Variants in NSF observed in about 807,000 individuals in gnomAD.
The protein encoded by NSF is vesicle-fusing ATPase.
NSF carries 14 observed loss-of-function variants against 50.3 expected under a neutral mutation model. The observed-to-expected ratio is 0.28, with a 90% CI of 0.18 to 0.44. The LOEUF is 0.44. Among genes scored for constraint, NSF ranks in the 20% least tolerant of loss-of-function variants. NSF has a pLI of 1.00. For missense variants in NSF, 218 were observed against 504.3 expected (o/e 0.43, Z 5.44); for synonymous variants, 109 against 175.7 (o/e 0.62, Z 3.00).
chr17:46,750,484 A>G (rs2059171563), intron 18 of NSF, among the ~76,000 whole-genome samples: 1 of 152,204 alleles, frequency 6.6e-6, no homozygotes, highest in Admixed American at 6.5e-5. Flanking sequence ...TTTCCTTTGA[A>G]TGTCATGTTG....
chr17:46,727,183 A>G (rs538330865), intron 16 of NSF, among the ~76,000 whole-genome samples: 1 of 152,334 alleles, frequency 6.6e-6, no homozygotes, highest in African/African-American at 2.4e-5. Context: ...GCAGTATAGT[A>G]ATTTTTAAAA....
Position 46,757,248 on chromosome 17 carries a change from G to A in NSF, c.*1425G>A, listed in dbSNP as rs2059243019. ...CTTATTTTGTGGCTTTTAAAGAAGT[G>A]GATTGTATTGTGAGATCCTGTGATT... On this transcript the variant is annotated 3_prime_UTR_variant, in exon 21 of 21. Transcript: ENST00000398238. 6.6e-6 allele frequency: 1 copy of A among 152,384 alleles called. No individual in the cohort carries two copies. Among genetic ancestry groups the A allele is most frequent in the South Asian group, 2.1e-4 (1 of 4,828 alleles). The allele number at this position is 152,384 out of a possible 1,614,324, so 9.4% of individuals were successfully genotyped here.
chr17:46,731,869 A>G (rs1223536052), intron 17 of NSF, among the ~76,000 whole-genome samples: 1 of 152,176 alleles, frequency 6.6e-6, no homozygotes, highest in Non-Finnish European at 1.5e-5. Context: ...TCTAGTTGGC[A>G]TGTATTTAAC....
intron 15 of NSF, 31 bp downstream of exon 15, chr17:46,714,017 C>G (rs1250064969): frequency 1.3e-6 from 2 of 1,592,170 alleles, no homozygotes; most frequent in Non-Finnish European, 1.7e-6. Flanking sequence ...TTTTAATTTC[C>G]TATCTCTTAA....
intron 13 of NSF, among the ~76,000 whole-genome samples, chr17:46,710,097 A>G (rs2058704013): frequency 6.6e-6 from 1 of 152,228 alleles, no homozygotes; most frequent in Non-Finnish European, 1.5e-5. Context: ...TCAGGTAATC[A>G]AAAGTTGAAT....
intron 15 of NSF, among the ~76,000 whole-genome samples, chr17:46,714,634 T>C (rs1451231442): frequency 1.3e-5 from 2 of 152,222 alleles, no homozygotes; most frequent in East Asian, 3.8e-4. Context: ...GCAAGTGCCA[T>C]GCAACAACAA....
intron 19 of NSF, among the ~76,000 whole-genome samples, chr17:46,754,692 G>A (rs568858861): frequency 2.6e-5 from 4 of 152,262 alleles, no homozygotes; most frequent in African/African-American, 4.8e-5. Context: ...ACAAAGTTGC[G>A]CCATCTTTTC....
intron 15 of NSF, chr17:46,722,009 A>G (rs2058835788): frequency 2.5e-6 from 4 of 1,607,648 alleles, no homozygotes; most frequent in South Asian, 1.1e-5. Context: ...ACCACCACCA[A>G]CTTCAGTTTC....
intron 19 of NSF, among the ~76,000 whole-genome samples, chr17:46,754,353 A>T (rs777288373): frequency 1.4e-4 from 22 of 152,144 alleles, no homozygotes; most frequent in Non-Finnish European, 2.8e-4. Context: ...AAGAAAAGAA[A>T]AAAAAATCCG....
At chr17:46,746,001 T>G (rs1369709239) in intron 17 of NSF, among the ~76,000 whole-genome samples, 4 of 152,214 alleles carry the variant, frequency 2.6e-5, no homozygotes, top group Non-Finnish European at 5.9e-5. Context: ...ACTCAACTCA[T>G]GTATCATCTC....
rs565657536 is a variant in NSF, at chr17:46,622,274, G to A, written c.13-1970G>A. 8.2e-5 allele frequency among the ~76,000 whole-genome samples: 12 copies of A among 146,130 alleles called. No homozygotes were observed. In the South Asian group the frequency reaches 1.1e-3, roughly 13 times the overall value. On this transcript the variant is annotated intron_variant, in intron 1 of 20. Transcript: ENST00000398238. ...AGATCGAGACCAGCCTGGCTAACAC[G>A]GTGAAACCCTGTCTCTGATGAAAAT...
At chr17:46,712,405 T>A (rs1407340665) in intron 14 of NSF, among the ~76,000 whole-genome samples, 2 of 152,138 alleles carry the variant, frequency 1.3e-5, no homozygotes, top group Admixed American at 6.5e-5. Context: ...CCTAGAAATA[T>A]TTGTTAGATT....
chr17:46,728,149 G>A lies in NSF; in HGVS notation c.1829-706G>A, dbSNP rs146860365. 1.1e-3 allele frequency among the ~76,000 whole-genome samples: 163 copies of A among 152,242 alleles called. 1 individual carries two copies. Among genetic ancestry groups the A allele is most frequent in the African/African-American group, 3.7e-3 (154 of 41,550 alleles). On this transcript the variant is annotated intron_variant, in intron 16 of 20. Coordinates refer to ENST00000398238, the MANE Select transcript of NSF (RefSeq NM_006178.4). Reference sequence around the variant, plus strand: ...AGTATGCAGAGAAAGCTAAGCAGGTGGCATTTACGCTGAATCTTGAATTAT... The same window carrying A: ...AGTATGCAGAGAAAGCTAAGCAGGTAGCATTTACGCTGAATCTTGAATTAT...
At chr17:46,718,178 G>A (rs758706678) in intron 15 of NSF, among the ~76,000 whole-genome samples, 63 of 152,144 alleles carry the variant, frequency 4.1e-4, no homozygotes, top group Admixed American at 1.1e-3. Flanking sequence ...GAGAACCTTG[G>A]TGTTTGCTCT....
rs143500148 is a variant in NSF at position 46,733,170 on chromosome 17, T to C, written c.1908+4236T>C. ...TTTACTTGATGACACTGGGGCTCTT[T>C]TCAAGTTTTGCAGATTTATGGAAGT... On this transcript the variant is annotated intron_variant, in intron 17 of 20. Coordinates refer to ENST00000398238, the MANE Select transcript of NSF (RefSeq NM_006178.4). 5.9e-5 allele frequency among the ~76,000 whole-genome samples: 9 copies of C among 152,288 alleles called. 1 individual carries two copies. In the South Asian group the frequency reaches 1.7e-3, roughly 28 times the overall value.
At chr17:46,709,791 G>A (rs2058700862) in intron 13 of NSF, among the ~76,000 whole-genome samples, 2 of 152,040 alleles carry the variant, frequency 1.3e-5, no homozygotes, top group African/African-American at 2.4e-5. Flanking sequence ...CACTGCGCCC[G>A]GCCATGAAAA....
chr17:46,713,551 C>A (rs997230699), intron 14 of NSF, among the ~76,000 whole-genome samples: 1 of 152,108 alleles, frequency 6.6e-6, no homozygotes, highest in Non-Finnish European at 1.5e-5. Flanking sequence ...CATTTGAATG[C>A]GTTCTTTTAA....
rs569546721 is a variant in NSF, at chr17:46,622,272, A to G, written c.13-1972A>G. 5.3e-3 allele frequency among the ~76,000 whole-genome samples: 772 copies of G among 145,690 alleles called. 23 individuals carry two copies. The highest frequency in any genetic ancestry group is 0.031 in the Middle Eastern group (9 of 288). On this transcript the variant is annotated intron_variant, in intron 1 of 20. Coordinates refer to ENST00000398238, the MANE Select transcript of NSF (RefSeq NM_006178.4). ...GGAGATCGAGACCAGCCTGGCTAAC[A>G]CGGTGAAACCCTGTCTCTGATGAAA...
At chr17:46,723,948 A>C (rs1191251352) in intron 15 of NSF, among the ~76,000 whole-genome samples, 1 of 152,146 alleles carries the variant, frequency 6.6e-6, no homozygotes, top group Non-Finnish European at 1.5e-5. Flanking sequence ...TAAAATTTTA[A>C]CTCATGAAAT....
Sources: gnomAD v4.1 joint callset for allele counts (sites outside exome capture counted in the v4.1 genomes callset) on GRCh38, gnomAD v4.1.1 for gene constraint, MANE v1.5 for transcripts, NCBI Gene and HGNC (gene_info 2026-07-23, HGNC 2026-07-21) for gene names.